Variants in CAPN13 observed in about 807,000 individuals in gnomAD.
CAPN13 encodes the protein calpain-13.
Under a neutral mutation model 98.4 loss-of-function variants are expected in CAPN13, and 90 were observed. The ratio of observed to expected loss-of-function variants is 0.92; its 90% confidence interval spans 0.77 to 1.09. The LOEUF (loss-of-function observed/expected upper bound fraction) is 1.09. Ranked by LOEUF, CAPN13 falls within the 50% of genes least tolerant of loss-of-function variation. The probability of loss-of-function intolerance (pLI) is 0.00; values close to 1 mark genes in which losing one functional copy is unlikely to be tolerated. For synonymous variants in CAPN13, 330 were observed against 305.5 expected, an observed-to-expected ratio of 1.08 and a Z score of -0.84; for missense variants, 887 against 841.3, an observed-to-expected ratio of 1.05 and a Z score of -0.67.
intron 4 of CAPN13, among the ~76,000 whole-genome samples, chr2:30,774,875 G>A (rs1673604241): frequency 6.6e-6 from 1 of 152,036 alleles, no homozygotes; most frequent in Admixed American, 6.5e-5. Context: ...CATGATATAG[G>A]TACAAAAATT....
intron 1 of CAPN13, among the ~76,000 whole-genome samples, chr2:30,789,724 GAC>G (rs1674507591): frequency 6.6e-6 from 1 of 152,246 alleles, no homozygotes; most frequent in Non-Finnish European, 1.5e-5. Context: ...GCAGCACAGT[GAC>G]TGGTAAGTAC....
intron 22 of CAPN13, among the ~76,000 whole-genome samples, chr2:30,727,983 G>T (rs973848814): frequency 4.6e-5 from 7 of 151,958 alleles, no homozygotes; most frequent in Non-Finnish European, 8.8e-5. Flanking sequence ...TAAAAGGAAT[G>T]AAGTACTGAT....
chr2:30,800,128 G>GAAAGAAAAGAAAGAA (rs1558351422), intron 1 of CAPN13, among the ~76,000 whole-genome samples: 1 of 129,350 alleles, frequency 7.7e-6, no homozygotes, highest in African/African-American at 3.2e-5. Flanking sequence ...AAGAAAGAAA[G>GAAAGAAAAGAAAGAA]AAAGAAAGAA....
intron 22 of CAPN13, among the ~76,000 whole-genome samples, chr2:30,726,865 A>G (rs1343306208): frequency 6.6e-6 from 1 of 152,186 alleles, no homozygotes; most frequent in Non-Finnish European, 1.5e-5. Flanking sequence ...TTATATGTAA[A>G]TGCAAGGAAC....
intron 12 of CAPN13, among the ~76,000 whole-genome samples, chr2:30,744,216 C>T (rs1288189730): frequency 6.6e-6 from 1 of 152,182 alleles, no homozygotes; most frequent in African/African-American, 2.4e-5. Context: ...CATAGGGATT[C>T]CATTTCGAAT....
chr2:30,739,294 A>G (rs1300338789), intron 15 of CAPN13, among the ~76,000 whole-genome samples: 1 of 152,082 alleles, frequency 6.6e-6, no homozygotes, highest in Non-Finnish European at 1.5e-5. Flanking sequence ...CGCTGGAAAG[A>G]TTTATCAGCA....
chr2:30,780,443 G>A (rs1281391803), intron 2 of CAPN13, among the ~76,000 whole-genome samples: 3 of 152,196 alleles, frequency 2.0e-5, no homozygotes, highest in Non-Finnish European at 2.9e-5. Context: ...ATATGAAGTA[G>A]CACTTACATG....
intron 11 of CAPN13, among the ~76,000 whole-genome samples, chr2:30,750,011 CTG>C (rs1219773645): frequency 1.3e-5 from 2 of 152,214 alleles, no homozygotes; most frequent in South Asian, 4.1e-4. Flanking sequence ...AGGCATGTGA[CTG>C]TGCATTGCAG....
chr2:30,760,681 C>G (rs1279461690), intron 7 of CAPN13, among the ~76,000 whole-genome samples: 1 of 152,230 alleles, frequency 6.6e-6, no homozygotes, highest in Non-Finnish European at 1.5e-5. Context: ...AGAGTTAGAA[C>G]TGCCTCTCTC....
At position 30,738,408 on chromosome 2, in the gene CAPN13, A is replaced by G; in HGVS notation, c.1586T>C (p.Leu529Pro). The G allele has an allele frequency of 3.1e-6, 5 of 1,609,028 alleles. No individual in the cohort carries two copies. The East Asian group carries it at 1.1e-4, about 36-fold the overall frequency. Reference protein sequence around the residue: ...TQLQGLLNQELLTGPPGDMFS... With the variant: ...TQLQGLLNQEPLTGPPGDMFS... ...CCTTGGGCTGCTCATACCTGTTAGAAGCTCCTGGTTGAGAAGGCCCTGAAG... is the reference window on the plus strand; with the variant it reads ...CCTTGGGCTGCTCATACCTGTTAGAGGCTCCTGGTTGAGAAGGCCCTGAAG... The change falls in exon 16 of 23, where the codon CTT (leucine) becomes CCT (proline). Residue 529 changes from leucine to proline, a missense_variant. By Grantham distance (98) the Leu-to-Pro change is moderately conservative. Transcript: ENST00000295055.
intron 1 of CAPN13, among the ~76,000 whole-genome samples, chr2:30,787,961 C>G (rs1317179750): frequency 6.6e-6 from 1 of 152,028 alleles, no homozygotes; most frequent in African/African-American, 2.4e-5. Flanking sequence ...GGACTGGAAG[C>G]AGGAAGGAAG....
chr2:30,759,017 C>T (rs1297271728), intron 7 of CAPN13, among the ~76,000 whole-genome samples: 3 of 120,058 alleles, frequency 2.5e-5, no homozygotes, highest in Non-Finnish European at 1.7e-5. Context: ...CTTCCCTGCT[C>T]CTATTCTTCC....
chr2:30,750,701 C>G (rs571960193), intron 11 of CAPN13, among the ~76,000 whole-genome samples: 1 of 152,322 alleles, frequency 6.6e-6, no homozygotes, highest in African/African-American at 2.4e-5. Context: ...GTGCATAAGC[C>G]TCTGGAGAGC....
chr2:30,790,583 C>A (rs1022286298), intron 1 of CAPN13, among the ~76,000 whole-genome samples: 1 of 152,170 alleles, frequency 6.6e-6, no homozygotes. Flanking sequence ...TTGGTGTCTA[C>A]GAAACGAGCT....
chr2:30,728,332 T>A (rs1018654451), intron 22 of CAPN13, among the ~76,000 whole-genome samples: 1 of 152,026 alleles, frequency 6.6e-6, no homozygotes, highest in Non-Finnish European at 1.5e-5. Flanking sequence ...GTGAATTATA[T>A]CTCAATATAT....
chr2:30,782,091 C>T (rs1467475515), intron 2 of CAPN13, among the ~76,000 whole-genome samples: 1 of 152,088 alleles, frequency 6.6e-6, no homozygotes, highest in Non-Finnish European at 1.5e-5. Context: ...TGCAAGGGCT[C>T]CTGGCATCTT....
chr2:30,762,721 T>G (rs2148019164), intron 7 of CAPN13, among the ~76,000 whole-genome samples: 1 of 152,374 alleles, frequency 6.6e-6, no homozygotes, highest in East Asian at 1.9e-4. Flanking sequence ...TTAGCTTGCA[T>G]GTAACAAATA....
intron 1 of CAPN13, among the ~76,000 whole-genome samples, chr2:30,803,252 T>C (rs1228097489): frequency 6.6e-6 from 1 of 152,202 alleles, no homozygotes; most frequent in Non-Finnish European, 1.5e-5. Flanking sequence ...CTCTCTGGCT[T>C]CAGACCTTTG....
At chr2:30,757,956 T>C in intron 8 of CAPN13, 90 bp downstream of exon 8, 3 of 931,524 alleles carry the variant, frequency 3.2e-6, no homozygotes, top group Non-Finnish European at 4.8e-6. Flanking sequence ...AGATGCGCAG[T>C]GGCTAGATAG....
Sources: gnomAD v4.1 joint callset for allele counts (sites outside exome capture counted in the v4.1 genomes callset) on GRCh38, gnomAD v4.1.1 for gene constraint, MANE v1.5 for transcripts, NCBI Gene and HGNC (gene_info 2026-07-23, HGNC 2026-07-21) for gene names.